CCND2: variants seen among roughly 807,000 people sequenced by gnomAD.
The protein encoded by CCND2 is cyclin D2.
In CCND2, 6 loss-of-function variants were observed where a neutral mutation model predicts 30.2. The observed-to-expected ratio is 0.20, with a 90% CI of 0.11 to 0.39. The LOEUF is 0.39. CCND2 is among the 10% of genes least tolerant of loss of function. The pLI is 1.00. For missense variants in CCND2, 235 were observed against 373.4 expected (o/e 0.63, Z 3.06); for synonymous variants, 150 against 153.1 (o/e 0.98, Z 0.15).
chr12:4,284,270 G>T (rs1431840669), intron 3 of CCND2, among the ~76,000 whole-genome samples: 1 of 152,220 alleles, frequency 6.6e-6, no homozygotes, highest in Admixed American at 6.5e-5. Context: ...TACAACGTGG[G>T]TATTGCTGTT....
intron 4 of CCND2, among the ~76,000 whole-genome samples, chr12:4,290,184 G>A (rs944791538): frequency 2.6e-5 from 4 of 152,188 alleles, no homozygotes; most frequent in Non-Finnish European, 4.4e-5. Flanking sequence ...GCAGCTCGCC[G>A]GCCTCCTCGC....
chr12:4,299,850 A>G lies in CCND2; in HGVS notation c.721-10A>G, dbSNP rs1167869564. On this transcript the variant is annotated splice_polypyrimidine_tract_variant and intron_variant, in intron 4 of 4. Coordinates refer to ENST00000261254, the MANE Select transcript of CCND2 (RefSeq NM_001759.4). This position sits in a 1 kb window ranked among gnomAD's most constrained non-coding sequence, Gnocchi z 5.2. Reference sequence around the variant, plus strand: ...CTTACTAACAACTCTGGTCTGGACCATTGTTCTAGGATTGTCTCAAAGCTT... The same window carrying G: ...CTTACTAACAACTCTGGTCTGGACCGTTGTTCTAGGATTGTCTCAAAGCTT... 1.9e-6 allele frequency: 3 copies of G among 1,613,064 alleles called. No individual in the cohort carries two copies. The highest frequency in any genetic ancestry group is 2.2e-5 in the South Asian group (2 of 91,046).
chr12:4,284,740 T>G (rs1166362951), intron 3 of CCND2, among the ~76,000 whole-genome samples: 1 of 101,630 alleles, frequency 9.8e-6, no homozygotes, highest in Non-Finnish European at 1.9e-5. Flanking sequence ...TTTCTTTTCT[T>G]TTTCTTTTTT....
intron 4 of CCND2, among the ~76,000 whole-genome samples, chr12:4,290,426 C>T (rs1355366177): frequency 1.3e-5 from 2 of 152,222 alleles, no homozygotes; most frequent in African/African-American, 2.4e-5. Context: ...AAATCGTGGA[C>T]GGGACTTAAC....
intron 4 of CCND2, among the ~76,000 whole-genome samples, chr12:4,290,693 C>T (rs1373563351): frequency 6.6e-6 from 1 of 152,160 alleles, no homozygotes; most frequent in African/African-American, 2.4e-5. Context: ...TCCCTTTGTC[C>T]CCCGTTACTG....
At chr12:4,290,240 A>G (rs1392727131) in intron 4 of CCND2, among the ~76,000 whole-genome samples, 2 of 152,176 alleles carry the variant, frequency 1.3e-5, no homozygotes, top group Non-Finnish European at 2.9e-5. Flanking sequence ...GCTCAGAGAA[A>G]TGGCGCAGGG....
intron 3 of CCND2, among the ~76,000 whole-genome samples, chr12:4,283,742 C>G (rs772459821): frequency 6.6e-6 from 1 of 152,180 alleles, no homozygotes; most frequent in Non-Finnish European, 1.5e-5. Context: ...GCGGGAATGT[C>G]GGGTGTTCCT....
At chr12:4,294,830 T>C (rs965087216) in intron 4 of CCND2, among the ~76,000 whole-genome samples, 3 of 152,174 alleles carry the variant, frequency 2.0e-5, no homozygotes, top group African/African-American at 7.2e-5. Flanking sequence ...ATCCAGCCCC[T>C]TTGGAAGCAC....
rs1164050230 is a variant in CCND2 at position 4,287,154 on chromosome 12, CAA to C, written c.572-1687_572-1686del. ...GCGCAGCACCATTATATACGTCCCTCAAGAGGTGGAGATGGTGAGAGGGCAAT... is the reference window on the plus strand; with the variant it reads ...GCGCAGCACCATTATATACGTCCCTCGAGGTGGAGATGGTGAGAGGGCAAT... On this transcript the variant is annotated intron_variant, in intron 3 of 4. Coordinates refer to ENST00000261254, the MANE Select transcript of CCND2 (RefSeq NM_001759.4). The surrounding 1 kb of genome is among the most constrained non-coding windows in gnomAD (Gnocchi z 4.0). 3.3e-5 allele frequency among the ~76,000 whole-genome samples: 5 copies of C among 152,288 alleles called. No individual in the cohort carries two copies. The highest frequency in any genetic ancestry group is 1.2e-4 in the African/African-American group (5 of 41,564).
intron 4 of CCND2, among the ~76,000 whole-genome samples, chr12:4,295,456 A>G (rs908495065): frequency 8.5e-5 from 13 of 152,144 alleles, no homozygotes; most frequent in African/African-American, 2.4e-4. Context: ...TCATCCTTTT[A>G]TCTTCCAGTC....
chr12:4,290,774 G>A (rs768126416), intron 4 of CCND2, among the ~76,000 whole-genome samples: 47 of 152,188 alleles, frequency 3.1e-4, no homozygotes, highest in Non-Finnish European at 6.6e-4. Flanking sequence ...TTTCGAGACC[G>A]CAGGCAAGTC....
intron 3 of CCND2, among the ~76,000 whole-genome samples, chr12:4,281,119 AC>A (rs1217396856): frequency 6.6e-6 from 1 of 152,034 alleles, no homozygotes; most frequent in African/African-American, 2.4e-5. Context: ...AGGAAAGGAC[AC>A]CCCCAAACCA....
intron 3 of CCND2, among the ~76,000 whole-genome samples, chr12:4,284,411 G>A (rs1364270460): frequency 6.6e-6 from 1 of 152,236 alleles, no homozygotes; most frequent in Non-Finnish European, 1.5e-5. Flanking sequence ...CTGAACCAGT[G>A]AGCTGTGTTC....
Position 4,282,345 on chromosome 12 carries a change from G to A in CCND2, c.571+3426G>A, listed in dbSNP as rs1264291501. Among the ~76,000 whole-genome samples, 1 of 152,066 alleles carries A rather than the reference G, an allele frequency of 6.6e-6. No homozygotes were observed. Among genetic ancestry groups the A allele is most frequent in the African/African-American group, 2.4e-5 (1 of 41,412 alleles). On this transcript the variant is annotated intron_variant, in intron 3 of 4. Transcript: ENST00000261254. This position sits in a 1 kb window ranked among gnomAD's most constrained non-coding sequence, Gnocchi z 4.3. Reference sequence around the variant, plus strand: ...TGCCACACACGGTAGCCACCCCCAGGCCTCCCCACGCCAAGGCCAGAGCCC... The same window carrying A: ...TGCCACACACGGTAGCCACCCCCAGACCTCCCCACGCCAAGGCCAGAGCCC...
chr12:4,302,798 A>G lies in CCND2; in HGVS notation c.*2789A>G, dbSNP rs1424615233. ...CAGTCTCTTGGGAAGTGTGTTTAGAAGGGTTCAGGACTTTGTGAGTTAGCA... is the reference window on the plus strand; with the variant it reads ...CAGTCTCTTGGGAAGTGTGTTTAGAGGGGTTCAGGACTTTGTGAGTTAGCA... On this transcript the variant is annotated 3_prime_UTR_variant, in exon 5 of 5. Coordinates refer to ENST00000261254, the MANE Select transcript of CCND2 (RefSeq NM_001759.4). 8.6e-6 allele frequency: 2 copies of G among 233,234 alleles called. No homozygotes were observed. Among genetic ancestry groups the G allele is most frequent in the Non-Finnish European group, 1.7e-5 (2 of 118,082 alleles). 14.4% of individuals were successfully genotyped at this position (233,234 alleles called of 1,614,324 possible).
rs565760592 is a variant in CCND2 at position 4,287,933 on chromosome 12, C to A, written c.572-909C>A. 6.6e-6 allele frequency among the ~76,000 whole-genome samples: 1 copy of A among 152,288 alleles called. No individual in the cohort carries two copies. The highest frequency in any genetic ancestry group is 1.5e-5 in the Non-Finnish European group (1 of 68,018). On this transcript the variant is annotated intron_variant, in intron 3 of 4. Coordinates refer to ENST00000261254, the MANE Select transcript of CCND2 (RefSeq NM_001759.4). The surrounding 1 kb of genome is among the most constrained non-coding windows in gnomAD (Gnocchi z 4.0). ...GCATGGCAGTGGACGGGGTTCAAGCCCCTCTGATTTATTATCCTCATTCTG... is the reference window on the plus strand; with the variant it reads ...GCATGGCAGTGGACGGGGTTCAAGCACCTCTGATTTATTATCCTCATTCTG...
intron 4 of CCND2, among the ~76,000 whole-genome samples, chr12:4,296,517 C>T (rs149296746): frequency 6.6e-5 from 10 of 152,380 alleles, no homozygotes; most frequent in South Asian, 4.1e-4. Flanking sequence ...CGTGTGCACA[C>T]GCACACACAC....
At chr12:4,298,945 T>C (rs1864210788) in intron 4 of CCND2, among the ~76,000 whole-genome samples, 1 of 152,238 alleles carries the variant, frequency 6.6e-6, no homozygotes. Flanking sequence ...CAAGGCTGCA[T>C]ATTCTTGCTT....
rs1045658197 is a variant in CCND2, at chr12:4,302,258, G to T, written c.*2249G>T. Reference sequence around the variant, plus strand: ...ATGGAAAAAATACATTGAACCAAGGGATCCTCCCTCCCCTTCAAGGCAGAC... The same window carrying T: ...ATGGAAAAAATACATTGAACCAAGGTATCCTCCCTCCCCTTCAAGGCAGAC... On this transcript the variant is annotated 3_prime_UTR_variant, in exon 5 of 5. Transcript: ENST00000261254. The T allele has an allele frequency of 4.3e-6, 1 of 232,770 alleles. No homozygotes were observed. Among genetic ancestry groups the T allele is most frequent in the Admixed American group, 5.6e-5 (1 of 17,746 alleles). The allele number at this position is 232,770 out of a possible 1,614,324, so 14.4% of individuals were successfully genotyped here. A position where few individuals can be genotyped will look rare whatever the true frequency, so the allele number is the denominator to read the frequency against.
Sources: allele counts gnomAD v4.1 joint callset (sites outside exome capture counted in the v4.1 genomes callset), GRCh38; gene constraint gnomAD v4.1.1; non-coding constraint Gnocchi (gnomAD v3.1); transcripts MANE v1.5; gene names NCBI Gene and HGNC (gene_info 2026-07-23, HGNC 2026-07-21).